RBFOX1: variants seen among roughly 807,000 people sequenced by gnomAD.
The protein encoded by RBFOX1 is RNA binding fox-1 homolog 1, also known as RNA binding protein fox-1 homolog 1.
In RBFOX1, 8 loss-of-function variants were observed where a neutral mutation model predicts 57.7. The ratio of observed to expected loss-of-function variants is 0.14; its 90% CI spans 0.08 to 0.25. The LOEUF (loss-of-function observed/expected upper bound fraction) is 0.25, where lower values mean the gene tolerates loss of function less well. Ranked by LOEUF, RBFOX1 falls within the 10% of genes least tolerant of loss-of-function variation. The probability of loss-of-function intolerance (pLI) is 1.00; values close to 1 mark genes in which losing one functional copy is unlikely to be tolerated. For synonymous variants in RBFOX1, 326 were observed against 222.4 expected (o/e 1.47, Z -4.15); for missense variants, 611 against 548.5 (o/e 1.11, Z -1.14).
chr16:6,703,574 G>C (rs2062194172), intron 3 of RBFOX1, among the ~76,000 whole-genome samples: 1 of 152,044 alleles, frequency 6.6e-6, no homozygotes, highest in Non-Finnish European at 1.5e-5. Context: ...GCCTGGTGTG[G>C]TGTTGCACAC....
chr16:5,873,286 C>T (rs531454932), intron 4 of RBFOX1, among the ~76,000 whole-genome samples: 1 of 152,294 alleles, frequency 6.6e-6, no homozygotes, highest in African/African-American at 2.4e-5. Context: ...CCTGCCCTAA[C>T]CAGACAGAAG....
At chr16:6,488,502 G>T (rs1278698585) in intron 2 of RBFOX1, among the ~76,000 whole-genome samples, 1 of 152,134 alleles carries the variant, frequency 6.6e-6, no homozygotes, top group African/African-American at 2.4e-5. Context: ...TTACAACTCT[G>T]CAAGGTAGGT....
chr16:6,033,027 G>C (rs1447810528), intron 1 of RBFOX1, among the ~76,000 whole-genome samples: 3 of 152,100 alleles, frequency 2.0e-5, no homozygotes, highest in Non-Finnish European at 2.9e-5. Flanking sequence ...AAGGAAGGTA[G>C]TGTAGGGTTG....
At chr16:7,450,076 AG>A (rs1360060817) in intron 4 of RBFOX1, among the ~76,000 whole-genome samples, 2 of 152,102 alleles carry the variant, frequency 1.3e-5, no homozygotes, top group East Asian at 3.9e-4. Context: ...AAAGAAAAGA[AG>A]GAACTCAATC....
intron 2 of RBFOX1, among the ~76,000 whole-genome samples, chr16:5,478,666 T>C (rs1170146368): frequency 2.0e-5 from 3 of 152,198 alleles, no homozygotes; most frequent in East Asian, 3.9e-4. Flanking sequence ...CCAGACCCGC[T>C]TTCTGCTCTT....
At chr16:6,575,715 G>T (rs1200728929) in intron 2 of RBFOX1, among the ~76,000 whole-genome samples, 1 of 151,890 alleles carries the variant, frequency 6.6e-6, no homozygotes, top group Non-Finnish European at 1.5e-5. Flanking sequence ...GAAATTAACT[G>T]GTGTGGTAGC....
chr16:6,341,219 G>A (rs1339668360), intron 2 of RBFOX1, among the ~76,000 whole-genome samples: 2 of 152,196 alleles, frequency 1.3e-5, no homozygotes, highest in Non-Finnish European at 2.9e-5. Flanking sequence ...GAAAGAACCT[G>A]TTTCCTTGCT....
At chr16:6,152,965 G>A (rs750042187) in intron 1 of RBFOX1, among the ~76,000 whole-genome samples, 14 of 151,908 alleles carry the variant, frequency 9.2e-5, no homozygotes, top group Middle Eastern at 6.8e-3. Context: ...TGTAGGTTCT[G>A]GATCTAGGCC....
At chr16:6,680,465 A>G (rs1432608513) in intron 3 of RBFOX1, among the ~76,000 whole-genome samples, 2 of 151,830 alleles carry the variant, frequency 1.3e-5, no homozygotes, top group Admixed American at 6.6e-5. Context: ...AGGTTTCACC[A>G]TGTTAGCCAC....
intron 1 of RBFOX1, among the ~76,000 whole-genome samples, chr16:6,183,486 T>TAAA (rs2097081938): frequency 7.1e-6 from 1 of 140,864 alleles, no homozygotes; most frequent in Non-Finnish European, 1.5e-5. Flanking sequence ...TCTAAAAAAA[T>TAAA]TAAATAAATA....
intron 1 of RBFOX1, among the ~76,000 whole-genome samples, chr16:6,189,145 C>A (rs1174165484): frequency 6.6e-6 from 1 of 152,188 alleles, no homozygotes; most frequent in Non-Finnish European, 1.5e-5. Context: ...TGTTGTCATG[C>A]AATTGTTTTG....
At chr16:5,783,304 C>G (rs542986017) in intron 3 of RBFOX1, among the ~76,000 whole-genome samples, 1 of 152,176 alleles carries the variant, frequency 6.6e-6, no homozygotes, top group Non-Finnish European at 1.5e-5. Flanking sequence ...CTCCCAGAAA[C>G]TATCTTTTCG....
intron 1 of RBFOX1, among the ~76,000 whole-genome samples, chr16:6,256,226 T>A (rs1434081861): frequency 2.1e-5 from 2 of 95,594 alleles, no homozygotes; most frequent in East Asian, 2.8e-4. Flanking sequence ...TATATGTATA[T>A]ATATATGTGT....
intron 1 of RBFOX1, among the ~76,000 whole-genome samples, chr16:6,085,108 G>C (rs919100730): frequency 6.6e-6 from 1 of 152,120 alleles, no homozygotes; most frequent in Admixed American, 6.5e-5. Flanking sequence ...TGAGGGCGGG[G>C]AGTCTTTCCT....
In RBFOX1 at chr16:6,859,111, G is replaced by GTGTATATATA. The variant is rs1383584385; in HGVS notation, c.-15-192945_-15-192944insGTATATATAT. Among the ~76,000 whole-genome samples the GTGTATATATA allele has an allele frequency of 5.0e-3, 326 of 65,006 alleles. 4 individuals are homozygous for GTGTATATATA. The highest frequency in any genetic ancestry group is 7.0e-3 in the Non-Finnish European group (253 of 36,286). 42.6% of individuals were successfully genotyped at this position (65,006 alleles called of 152,430 possible). A position where few individuals can be genotyped will look rare whatever the true frequency, so the allele number is the denominator to read the frequency against. ...AGTGTTGTATTGTCCTAAAAAAAGT[G>GTGTATATATA]TATATATATATATATATACATATAT... On this transcript the variant is annotated intron_variant, in intron 3 of 15. Coordinates refer to ENST00000550418, the MANE Select transcript of RBFOX1 (RefSeq NM_018723.4).
At chr16:7,374,934 C>G (rs1236795249) in intron 4 of RBFOX1, among the ~76,000 whole-genome samples, 1 of 152,150 alleles carries the variant, frequency 6.6e-6, no homozygotes, top group Non-Finnish European at 1.5e-5. Context: ...TCTGCACTTA[C>G]AAATTTAAAC....
At chr16:7,157,114 G>A (rs1035919154) in intron 4 of RBFOX1, among the ~76,000 whole-genome samples, 6 of 152,132 alleles carry the variant, frequency 3.9e-5, no homozygotes, top group Non-Finnish European at 5.9e-5. Context: ...ATTGAGTGTG[G>A]GAGAAAGCAA....
intron 3 of RBFOX1, among the ~76,000 whole-genome samples, chr16:5,854,766 C>T (rs1329420976): frequency 2.0e-5 from 3 of 152,144 alleles, no homozygotes; most frequent in African/African-American, 7.2e-5. Flanking sequence ...ATTGCTGGAT[C>T]ATATGATAGT....
intron 3 of RBFOX1, among the ~76,000 whole-genome samples, chr16:5,664,504 A>G (rs573143676): frequency 6.6e-6 from 1 of 152,108 alleles, no homozygotes; most frequent in Admixed American, 6.6e-5. Flanking sequence ...CCGAGATTGC[A>G]TCACTGCACT....
Sources: allele counts gnomAD v4.1 joint callset (sites outside exome capture counted in the v4.1 genomes callset), GRCh38; gene constraint gnomAD v4.1.1; transcripts MANE v1.5; gene names NCBI Gene and HGNC (gene_info 2026-07-23, HGNC 2026-07-21).